Variants in STXBP5 observed in about 807,000 individuals in gnomAD.
The protein encoded by STXBP5 is syntaxin-binding protein 5.
Under a neutral mutation model 152.4 loss-of-function variants are expected in STXBP5, and 50 were observed. The observed-to-expected ratio is 0.33, with a 90% confidence interval of 0.26 to 0.42. The LOEUF (loss-of-function observed/expected upper bound fraction) is 0.42. Ranked by LOEUF, STXBP5 falls within the 10% of genes least tolerant of loss-of-function variation. The pLI, the probability that STXBP5 is intolerant of heterozygous loss-of-function variation, is 1.00. For missense variants in STXBP5, 1,167 were observed against 1,388.6 expected, an observed-to-expected ratio of 0.84 and a Z score of 2.54; for synonymous variants, 492 against 494.7, an observed-to-expected ratio of 0.99 and a Z score of 0.07.
chr6:147,231,420 C>CT, intron 2 of STXBP5, among the ~76,000 whole-genome samples: 1 of 151,882 alleles, frequency 6.6e-6, no homozygotes, highest in South Asian at 2.1e-4. Context: ...GATAAATTAA[C>CT]TGATTTGCTT....
intron 2 of STXBP5, among the ~76,000 whole-genome samples, chr6:147,218,335 G>A (rs1037157926): frequency 1.3e-5 from 2 of 152,090 alleles, no homozygotes; most frequent in African/African-American, 4.8e-5. Context: ...TGTTCTTCGT[G>A]TAGATCTTGT....
chr6:147,306,285 A>G (rs1227155585), intron 9 of STXBP5, among the ~76,000 whole-genome samples: 1 of 152,178 alleles, frequency 6.6e-6, no homozygotes, highest in Non-Finnish European at 1.5e-5. Flanking sequence ...AGAACATGCA[A>G]AGCAGATAAA....
intron 2 of STXBP5, among the ~76,000 whole-genome samples, chr6:147,228,626 T>C (rs1195444515): frequency 6.6e-6 from 1 of 152,112 alleles, no homozygotes; most frequent in Non-Finnish European, 1.5e-5. Context: ...AAAATGATCC[T>C]TTATATTGCT....
chr6:147,278,281 T>G (rs1780541407), intron 8 of STXBP5, 77 bp downstream of exon 8: 1 of 1,352,406 alleles, frequency 7.4e-7, no homozygotes, highest in African/African-American at 1.5e-5. Flanking sequence ...GCATTCTGAT[T>G]TGTTTGTTTG....
At chr6:147,244,903 T>C (rs1022848156) in intron 4 of STXBP5, among the ~76,000 whole-genome samples, 1 of 152,132 alleles carries the variant, frequency 6.6e-6, no homozygotes, top group Non-Finnish European at 1.5e-5. Flanking sequence ...ATTATCACTT[T>C]ATCTTTGGTT....
rs777236916 is a variant in STXBP5, at chr6:147,373,805, T to C, written c.3156T>C (p.Phe1052=). 3 of 1,613,662 alleles carry C rather than the reference T, an allele frequency of 1.9e-6. No individual in the cohort carries two copies. In the African/African-American group the frequency reaches 4.0e-5, roughly 22 times the overall value. ...APNRGFFKGL[F]GGGAQSLDRE... is the part of the protein sequence containing the mutation. ...ACAGGGGATTCTTTAAAGGCTTATT[T>C]GGAGGTGGTGCACAATCTCTTGACA... The change falls in exon 26 of 28, where the codon TTT becomes TTC. Residue 1052 remains phenylalanine, a synonymous_variant. Transcript: ENST00000321680.
At chr6:147,336,486 T>C (rs1329536027) in intron 19 of STXBP5, among the ~76,000 whole-genome samples, 1 of 152,042 alleles carries the variant, frequency 6.6e-6, no homozygotes, top group East Asian at 1.9e-4. Context: ...ATGCAAATTC[T>C]ACTACTTCAC....
intron 21 of STXBP5, among the ~76,000 whole-genome samples, chr6:147,346,540 ACCAG>A (rs1784339236): frequency 6.6e-6 from 1 of 152,096 alleles, no homozygotes; most frequent in Admixed American, 6.6e-5. Context: ...AGAGTTCGAG[ACCAG>A]CCTGGCCAAC....
At chr6:147,236,549 C>T (rs1778278960) in intron 3 of STXBP5, among the ~76,000 whole-genome samples, 1 of 151,844 alleles carries the variant, frequency 6.6e-6, no homozygotes, top group African/African-American at 2.4e-5. Flanking sequence ...ATTAACTAGA[C>T]TATAGACCTT....
At chr6:147,378,923 C>T (rs764655998) in intron 26 of STXBP5, among the ~76,000 whole-genome samples, 1 of 152,286 alleles carries the variant, frequency 6.6e-6, no homozygotes, top group Non-Finnish European at 1.5e-5. Flanking sequence ...CAACACAGGT[C>T]TTATGGGTGT....
At chr6:147,342,074 C>A (rs1291496119) in intron 21 of STXBP5, among the ~76,000 whole-genome samples, 1 of 152,112 alleles carries the variant, frequency 6.6e-6, no homozygotes, top group African/African-American at 2.4e-5. Flanking sequence ...TCTCTTAATA[C>A]AATTTACAGA....
chr6:147,336,166 T>C (rs909612649), intron 19 of STXBP5, among the ~76,000 whole-genome samples: 4 of 152,214 alleles, frequency 2.6e-5, no homozygotes, highest in Non-Finnish European at 5.9e-5. Flanking sequence ...AGTCAAACTT[T>C]AATAGGGAAT....
chr6:147,233,134 A>G (rs951621164), intron 2 of STXBP5, among the ~76,000 whole-genome samples: 1 of 151,830 alleles, frequency 6.6e-6, no homozygotes, highest in African/African-American at 2.4e-5. Context: ...ATGAAGTACA[A>G]ATGCCAAAAG....
At chr6:147,255,516 G>GTT (rs1415178395) in intron 4 of STXBP5, among the ~76,000 whole-genome samples, 2 of 151,934 alleles carry the variant, frequency 1.3e-5, no homozygotes, top group Non-Finnish European at 2.9e-5. Context: ...TGTTGTTGTT[G>GTT]TTGTTGTTGT....
At chr6:147,372,102 T>G (rs1376370549) in intron 25 of STXBP5, among the ~76,000 whole-genome samples, 1 of 152,140 alleles carries the variant, frequency 6.6e-6, no homozygotes, top group African/African-American at 2.4e-5. Flanking sequence ...TATTCCAGGT[T>G]TACTACACTT....
In STXBP5 at chr6:147,390,162, T is replaced by TA. The variant is rs1263528496; in HGVS notation, c.*5408dup. The TA allele has an allele frequency of 6.6e-6, 1 of 151,942 alleles. No individual in the cohort carries two copies. Among genetic ancestry groups the TA allele is most frequent in the East Asian group, 1.9e-4 (1 of 5,182 alleles). 9.4% of individuals were successfully genotyped at this position (151,942 alleles called of 1,614,324 possible). On this transcript the variant is annotated 3_prime_UTR_variant, in exon 28 of 28. Transcript: ENST00000321680. ...AATTGCTGGAATATGCATTTTGAAA[T>TA]ACGGTTTAAAAAAAATCTGTGTATT...
rs538345933 is a variant in STXBP5 at position 147,272,952 on chromosome 6, A to G, written c.715-5129A>G. Reference sequence around the variant, plus strand: ...AATGATAGATTTTGTGTGCTTGGATAGCATTCTTAATATTTTACAGATATT... The same window carrying G: ...AATGATAGATTTTGTGTGCTTGGATGGCATTCTTAATATTTTACAGATATT... On this transcript the variant is annotated intron_variant, in intron 7 of 27. Transcript: ENST00000321680. 2.0e-5 allele frequency among the ~76,000 whole-genome samples: 3 copies of G among 152,230 alleles called. No homozygotes were observed. In the South Asian group the frequency reaches 6.2e-4, roughly 32 times the overall value.
chr6:147,380,660 G>C (rs1786041557), intron 26 of STXBP5, among the ~76,000 whole-genome samples: 2 of 151,942 alleles, frequency 1.3e-5, no homozygotes, highest in African/African-American at 4.8e-5. Context: ...AAAAAAGATT[G>C]ATTGGAATTT....
chr6:147,284,578 G>A (rs1157218674), intron 8 of STXBP5, among the ~76,000 whole-genome samples: 3 of 152,210 alleles, frequency 2.0e-5, no homozygotes, highest in Admixed American at 6.5e-5. Context: ...GGTAAAAGGT[G>A]TTGGACTATT....
Sources: gnomAD v4.1 joint callset for allele counts (sites outside exome capture counted in the v4.1 genomes callset) on GRCh38, gnomAD v4.1.1 for gene constraint, MANE v1.5 for transcripts, NCBI Gene and HGNC (gene_info 2026-07-23, HGNC 2026-07-21) for gene names.